Variants in NAALADL2 observed in about 807,000 individuals in gnomAD.
NAALADL2 encodes inactive N-acetylated-alpha-linked acidic dipeptidase-like protein 2.
A neutral mutation model predicts 87.2 loss-of-function variants in NAALADL2; 76 were observed. That is an observed-to-expected ratio of 0.87 (90% CI 0.72 to 1.05). NAALADL2 has a LOEUF of 1.05. NAALADL2 is among the 50% of genes least tolerant of loss of function. The pLI is 0.00. For missense variants in NAALADL2, 1,089 were observed against 945.8 expected, an observed-to-expected ratio of 1.15 and a Z score of -1.99; for synonymous variants, 354 against 331.0, an observed-to-expected ratio of 1.07 and a Z score of -0.75.
chr3:174,563,328 A>G (rs1045936341), intron 2 of NAALADL2, among the ~76,000 whole-genome samples: 5 of 151,610 alleles, frequency 3.3e-5, no homozygotes, highest in African/African-American at 9.7e-5. Flanking sequence ...GAAAAATTTC[A>G]GGAACAAAGA....
At position 175,012,024 on chromosome 3, in the gene NAALADL2, T is replaced by G. The variant is rs115485490; in HGVS notation, c.44-84766T>G. The stretch of plus-strand genomic sequence containing the variant: ...GGAAAAGCACAAGAGAAAGAATGTA[T>G]GGCAATGCCAGCAAAATTAATGAAT... On this transcript the variant is annotated intron_variant, in intron 1 of 13. Transcript: ENST00000454872. 4.1e-3 allele frequency among the ~76,000 whole-genome samples: 631 copies of G among 152,292 alleles called. 2 individuals are homozygous for G. Among genetic ancestry groups the G allele is most frequent in the Middle Eastern group, 0.017 (5 of 294 alleles).
At chr3:175,740,640 A>C (rs1242231625) in intron 12 of NAALADL2, among the ~76,000 whole-genome samples, 1 of 152,218 alleles carries the variant, frequency 6.6e-6, no homozygotes, top group East Asian at 1.9e-4. Context: ...AAATATAGTA[A>C]TTAAGAAAAT....
chr3:174,938,868 GT>G (rs770366248), intron 1 of NAALADL2, among the ~76,000 whole-genome samples: 3 of 151,770 alleles, frequency 2.0e-5, no homozygotes, highest in Non-Finnish European at 4.4e-5. Context: ...TAATGAGGTT[GT>G]TTGTTTTTCT....
intron 2 of NAALADL2, chr3:174,631,981 C>G (rs1242190202): frequency 6.6e-6 from 1 of 152,178 alleles, no homozygotes; most frequent in Non-Finnish European, 1.5e-5. Context: ...GAAAGAGGAT[C>G]AGTCATGAAG....
intron 1 of NAALADL2, among the ~76,000 whole-genome samples, chr3:174,535,650 C>T (rs1386176222): frequency 6.6e-6 from 1 of 152,034 alleles, no homozygotes; most frequent in Non-Finnish European, 1.5e-5. Context: ...AAATTGGAAC[C>T]CAGAGAGTTC....
intron 2 of NAALADL2, among the ~76,000 whole-genome samples, chr3:174,642,114 G>C (rs1234007077): frequency 1.3e-5 from 2 of 152,084 alleles, no homozygotes; most frequent in Non-Finnish European, 2.9e-5. Context: ...ATGAATGACA[G>C]TGAGACACAC....
chr3:175,530,560 C>T (rs1168700740), intron 9 of NAALADL2, among the ~76,000 whole-genome samples: 3 of 152,132 alleles, frequency 2.0e-5, no homozygotes, highest in Admixed American at 6.5e-5. Context: ...TTGGATGGTG[C>T]CTGCATATCG....
chr3:175,717,987 A>AT (rs1479574071), intron 11 of NAALADL2, among the ~76,000 whole-genome samples: 2 of 151,498 alleles, frequency 1.3e-5, no homozygotes, highest in East Asian at 2.0e-4. Flanking sequence ...CTTTGCTTGT[A>AT]TTTTTTTGTT....
intron 1 of NAALADL2, among the ~76,000 whole-genome samples, chr3:174,465,807 T>C (rs912201791): frequency 3.3e-5 from 5 of 151,150 alleles, no homozygotes; most frequent in Admixed American, 1.3e-4. Context: ...ATATACACAC[T>C]TTTTTTTTAG....
intron 2 of NAALADL2, among the ~76,000 whole-genome samples, chr3:175,209,890 AAAAT>A (rs959727236): frequency 2.6e-5 from 4 of 151,888 alleles, no homozygotes; most frequent in African/African-American, 4.8e-5. Context: ...AAAAAAATTA[AAAAT>A]AAATAAATAA....
intron 2 of NAALADL2, among the ~76,000 whole-genome samples, chr3:174,684,808 G>A (rs1560143040): frequency 1.3e-5 from 2 of 152,058 alleles, no homozygotes; most frequent in Non-Finnish European, 2.9e-5. Context: ...ACAGTATTAA[G>A]GAGCCTGATG....
intron 3 of NAALADL2, among the ~76,000 whole-genome samples, chr3:174,849,074 C>G (rs1056984563): frequency 6.6e-6 from 1 of 152,122 alleles, no homozygotes; most frequent in Non-Finnish European, 1.5e-5. Flanking sequence ...CTGTAGGGCC[C>G]TTACCATGAA....
chr3:175,454,751 G>GAATT (rs1722079025), intron 6 of NAALADL2, among the ~76,000 whole-genome samples: 1 of 152,012 alleles, frequency 6.6e-6, no homozygotes, highest in Admixed American at 6.6e-5. Flanking sequence ...ATCAGTGAGT[G>GAATT]GATTAATCTG....
chr3:174,467,040 C>CT (rs1716579379), intron 1 of NAALADL2, among the ~76,000 whole-genome samples: 2 of 152,078 alleles, frequency 1.3e-5, no homozygotes, highest in Admixed American at 1.3e-4. Flanking sequence ...TTTATGTAGT[C>CT]TATCTTGAAA....
chr3:175,379,835 T>C (rs1329603906), intron 5 of NAALADL2, among the ~76,000 whole-genome samples: 1 of 152,154 alleles, frequency 6.6e-6, no homozygotes, highest in Non-Finnish European at 1.5e-5. Context: ...GATTAAAGAG[T>C]ACCAAGAATT....
At chr3:175,789,054 T>G (rs1006459984) in intron 13 of NAALADL2, among the ~76,000 whole-genome samples, 3 of 151,824 alleles carry the variant, frequency 2.0e-5, no homozygotes, top group Non-Finnish European at 4.4e-5. Flanking sequence ...GTTTCTTTTG[T>G]TTTATTATAA....
intron 5 of NAALADL2, among the ~76,000 whole-genome samples, chr3:175,355,708 G>A (rs1020550625): frequency 6.6e-6 from 1 of 152,148 alleles, no homozygotes; most frequent in Non-Finnish European, 1.5e-5. Flanking sequence ...TTCAGAAGAT[G>A]CCTGGGAATA....
chr3:175,085,513 C>A (rs1438114388), intron 1 of NAALADL2, among the ~76,000 whole-genome samples: 1 of 152,070 alleles, frequency 6.6e-6, no homozygotes, highest in East Asian at 1.9e-4. Flanking sequence ...TTATAAATTA[C>A]TCAGGAAACA....
In NAALADL2 at chr3:175,231,401, G is replaced by A. The variant is rs145852891; in HGVS notation, c.546-2530G>A. Among the ~76,000 whole-genome samples the A allele has an allele frequency of 8.4e-3, 1,280 of 152,052 alleles. 17 individuals carry two copies. Among genetic ancestry groups the A allele is most frequent in the African/African-American group, 0.028 (1,175 of 41,496 alleles). On this transcript the variant is annotated intron_variant, in intron 2 of 13. Transcript: ENST00000454872. The stretch of plus-strand genomic sequence containing the variant: ...ATATTATTAAAAATGATGTAATAAA[G>A]TACATATCCCATAAATTAAAAGTGA...
Sources: gnomAD v4.1 joint callset for allele counts (sites outside exome capture counted in the v4.1 genomes callset) on GRCh38, gnomAD v4.1.1 for gene constraint, MANE v1.5 for transcripts, NCBI Gene and HGNC (gene_info 2026-07-23, HGNC 2026-07-21) for gene names.